GALNTL6: variants seen among roughly 807,000 people sequenced by gnomAD.
GALNTL6 encodes the protein polypeptide N-acetylgalactosaminyltransferase-like 6.
GALNTL6 carries 46 observed loss-of-function variants against 73.7 expected under a neutral mutation model. That is an observed-to-expected ratio of 0.62 (90% CI 0.49 to 0.80). The LOEUF is 0.80. Ranked by LOEUF, GALNTL6 falls within the 30% of genes least tolerant of loss-of-function variation. The probability of loss-of-function intolerance (pLI) is 0.00; values close to 1 mark genes in which losing one functional copy is unlikely to be tolerated. For synonymous variants in GALNTL6, 259 were observed against 263.7 expected (o/e 0.98, Z 0.17); for missense variants, 604 against 755.0 (o/e 0.80, Z 2.34).
intron 5 of GALNTL6, among the ~76,000 whole-genome samples, chr4:172,801,934 C>T (rs758910693): frequency 2.0e-5 from 3 of 152,102 alleles, no homozygotes; most frequent in Non-Finnish European, 4.4e-5. Flanking sequence ...TGATGATCCA[C>T]TTCCATTTAA....
At chr4:172,209,088 G>C (rs962830869) in intron 2 of GALNTL6, among the ~76,000 whole-genome samples, 3 of 151,912 alleles carry the variant, frequency 2.0e-5, no homozygotes, top group Non-Finnish European at 4.4e-5. Flanking sequence ...TAAATTACAA[G>C]GACGTCTAAT....
At chr4:172,390,204 T>C (rs1003778910) in intron 5 of GALNTL6, among the ~76,000 whole-genome samples, 10 of 152,228 alleles carry the variant, frequency 6.6e-5, no homozygotes, top group African/African-American at 2.2e-4. Flanking sequence ...AATTGACTTA[T>C]TTTTCAAACG....
intron 2 of GALNTL6, among the ~76,000 whole-genome samples, chr4:171,944,366 C>CT (rs949021512): frequency 6.6e-5 from 10 of 152,074 alleles, no homozygotes; most frequent in African/African-American, 1.7e-4. Flanking sequence ...AGTATGAAGA[C>CT]TAAGTGATCT....
At chr4:172,177,342 T>C (rs553666267) in intron 2 of GALNTL6, among the ~76,000 whole-genome samples, 1 of 152,288 alleles carries the variant, frequency 6.6e-6, no homozygotes, top group Non-Finnish European at 1.5e-5. Context: ...AAGAAAATCA[T>C]ATTGGAGCAT....
At chr4:172,929,496 G>A (rs190265233) in intron 8 of GALNTL6, among the ~76,000 whole-genome samples, 1 of 152,234 alleles carries the variant, frequency 6.6e-6, no homozygotes, top group Admixed American at 6.5e-5. Flanking sequence ...GTGGAAGCTT[G>A]GTAAGTCCAC....
chr4:172,090,597 C>G (rs1732175488), intron 2 of GALNTL6, among the ~76,000 whole-genome samples: 2 of 152,120 alleles, frequency 1.3e-5, no homozygotes, highest in South Asian at 4.2e-4. Context: ...GGATATTGCC[C>G]TTTGTCAGAT....
chr4:172,995,375 T>C (rs1296438752), intron 10 of GALNTL6, among the ~76,000 whole-genome samples: 2 of 152,176 alleles, frequency 1.3e-5, no homozygotes, highest in South Asian at 2.1e-4. Flanking sequence ...TCCCACAATC[T>C]GGGAGTGGAA....
At chr4:172,782,586 TCTATCTCCC>T (rs1397973512) in intron 5 of GALNTL6, among the ~76,000 whole-genome samples, 1 of 152,118 alleles carries the variant, frequency 6.6e-6, no homozygotes, top group African/African-American at 2.4e-5. Flanking sequence ...GTCTGTTGAA[TCTATCTCCC>T]CCAACCCCCA....
At chr4:172,022,341 C>T (rs1265359986) in intron 2 of GALNTL6, among the ~76,000 whole-genome samples, 4 of 152,164 alleles carry the variant, frequency 2.6e-5, no homozygotes, top group Middle Eastern at 3.4e-3. Flanking sequence ...CCTTCCTCCA[C>T]ACTGACTTTT....
At chr4:172,755,808 T>A (rs1382273596) in intron 5 of GALNTL6, among the ~76,000 whole-genome samples, 3 of 152,204 alleles carry the variant, frequency 2.0e-5, no homozygotes, top group Non-Finnish European at 4.4e-5. Flanking sequence ...TCTTTTAACT[T>A]CTACTAATTT....
chr4:172,243,318 T>C (rs887912560), intron 3 of GALNTL6, among the ~76,000 whole-genome samples: 4 of 152,320 alleles, frequency 2.6e-5, no homozygotes, highest in African/African-American at 9.6e-5. Context: ...TATGTGGATG[T>C]AATTACTTTT....
intron 2 of GALNTL6, among the ~76,000 whole-genome samples, chr4:171,956,205 A>G (rs1014650345): frequency 1.3e-5 from 2 of 152,064 alleles, no homozygotes; most frequent in South Asian, 2.1e-4. Flanking sequence ...GCATTTTACT[A>G]TGTTGCCCAG....
At position 172,813,401 on chromosome 4, in the gene GALNTL6, A is replaced by G. The variant is rs1042371889; in HGVS notation, c.740-139A>G. ...TAAGTCCAGAATTCAGAGATTCCTGAAAAGGGCTCTAAGGAGGACAGGGAG... is the reference window on the plus strand; with the variant it reads ...TAAGTCCAGAATTCAGAGATTCCTGGAAAGGGCTCTAAGGAGGACAGGGAG... On this transcript the variant is annotated intron_variant, in intron 6 of 12. Transcript: ENST00000506823. The G allele has an allele frequency of 1.8e-5, 10 of 551,150 alleles. No homozygotes were observed. The Admixed American group carries it at 2.6e-4, about 14-fold the overall frequency. The allele number at this position is 551,150 out of a possible 1,614,324, so 34.1% of individuals were successfully genotyped here. A position where few individuals can be genotyped will look rare whatever the true frequency, so the allele number is the denominator to read the frequency against.
intron 5 of GALNTL6, among the ~76,000 whole-genome samples, chr4:172,671,291 G>A (rs768456037): frequency 6.6e-6 from 1 of 152,168 alleles, no homozygotes; most frequent in Non-Finnish European, 1.5e-5. Context: ...AGCATGGAAT[G>A]TTTTTCCATT....
intron 5 of GALNTL6, among the ~76,000 whole-genome samples, chr4:172,493,217 T>C (rs990441392): frequency 2.0e-5 from 3 of 152,176 alleles, no homozygotes; most frequent in African/African-American, 7.2e-5. Context: ...AACAGTGTTT[T>C]GAATTAAAAC....
intron 5 of GALNTL6, among the ~76,000 whole-genome samples, chr4:172,696,872 A>G (rs2111275808): frequency 6.6e-6 from 1 of 152,370 alleles, no homozygotes; most frequent in Middle Eastern, 3.4e-3. Flanking sequence ...GGAAAAGGAG[A>G]GATGTTACTT....
intron 3 of GALNTL6, among the ~76,000 whole-genome samples, chr4:172,296,811 C>T (rs10001202): frequency 0.16 from 24,016 of 152,146 alleles, 2,079 homozygotes; most frequent in Middle Eastern, 0.19. Context: ...TGAATAGTGC[C>T]GCAATAAACA....
At chr4:172,388,645 A>T (rs1743555737) in intron 5 of GALNTL6, among the ~76,000 whole-genome samples, 1 of 152,114 alleles carries the variant, frequency 6.6e-6, no homozygotes, top group South Asian at 2.1e-4. Flanking sequence ...TTGCTATATT[A>T]GTGTATCCAC....
At chr4:172,768,858 T>C (rs756060359) in intron 5 of GALNTL6, among the ~76,000 whole-genome samples, 1 of 152,052 alleles carries the variant, frequency 6.6e-6, no homozygotes, top group African/African-American at 2.4e-5. Context: ...TTGCTAGACA[T>C]GTGAAACTGC....
Sources: allele counts gnomAD v4.1 joint callset (sites outside exome capture counted in the v4.1 genomes callset), GRCh38; gene constraint gnomAD v4.1.1; transcripts MANE v1.5; gene names NCBI Gene and HGNC (gene_info 2026-07-23, HGNC 2026-07-21).